The following PSIP1 variants were observed in gnomAD, a reference collection of about 807,000 sequenced individuals.
PSIP1 encodes PC4 and SFRS1-interacting protein.
PSIP1 carries 19 observed loss-of-function variants against 74.7 expected under a neutral mutation model. The ratio of observed to expected loss-of-function variants is 0.25; its 90% CI spans 0.18 to 0.37. The LOEUF (loss-of-function observed/expected upper bound fraction) is 0.37. PSIP1 is among the 10% of genes least tolerant of loss of function. The probability of loss-of-function intolerance (pLI) is 1.00; values close to 1 mark genes in which losing one functional copy is unlikely to be tolerated. For missense variants in PSIP1, 601 were observed against 614.3 expected, an observed-to-expected ratio of 0.98 and a Z score of 0.23; for synonymous variants, 222 against 195.3, an observed-to-expected ratio of 1.14 and a Z score of -1.14.
chr9:15,496,066 T>C (rs1288439084), intron 3 of PSIP1, among the ~76,000 whole-genome samples: 1 of 152,208 alleles, frequency 6.6e-6, no homozygotes, highest in Non-Finnish European at 1.5e-5. Flanking sequence ...GTGCATGATT[T>C]TGAGAAACCA....
intron 9 of PSIP1, among the ~76,000 whole-genome samples, chr9:15,473,313 T>C (rs2035924221): frequency 6.6e-6 from 1 of 152,074 alleles, no homozygotes. Context: ...TGGGGGTAAA[T>C]AACAAAAATC....
intron 10 of PSIP1, chr9:15,471,814 A>ACTTT: frequency 1.0e-6 from 1 of 954,292 alleles, no homozygotes; most frequent in Non-Finnish European, 1.2e-6. Context: ...CTCATCATTA[A>ACTTT]CTTTGTCTTA....
At chr9:15,503,123 T>C (rs931574957) in intron 3 of PSIP1, among the ~76,000 whole-genome samples, 7 of 152,164 alleles carry the variant, frequency 4.6e-5, no homozygotes, top group African/African-American at 1.7e-4. Flanking sequence ...TCCCAGCACT[T>C]TGGGAGGCCA....
intron 3 of PSIP1, among the ~76,000 whole-genome samples, chr9:15,496,956 C>G (rs1053771016): frequency 6.6e-6 from 1 of 152,132 alleles, no homozygotes; most frequent in Non-Finnish European, 1.5e-5. Flanking sequence ...AATTGGAACC[C>G]TCCTACAATT....
intron 4 of PSIP1, chr9:15,489,424 A>G (rs949584768): frequency 2.0e-5 from 3 of 152,084 alleles, no homozygotes; most frequent in East Asian, 1.9e-4. Flanking sequence ...TCTGGCCAAC[A>G]TGACAAAACC....
rs577351600 is a variant in PSIP1 at position 15,488,778 on chromosome 9, C to T, written c.288+1208G>A. Among the ~76,000 whole-genome samples the T allele has an allele frequency of 7.3e-3, 1,104 of 151,790 alleles. 9 individuals carry two copies. Among genetic ancestry groups the T allele is most frequent in the African/African-American group, 0.024 (994 of 41,386 alleles). Reference sequence around the variant, plus strand: ...GGCTCAGGCCTGTAATCCCAACACTCTGGGGGGCCGAGGCGGGCGGATCAC... The same window carrying T: ...GGCTCAGGCCTGTAATCCCAACACTTTGGGGGGCCGAGGCGGGCGGATCAC... On this transcript the variant is annotated intron_variant, in intron 4 of 15. Coordinates refer to ENST00000380733, the MANE Select transcript of PSIP1 (RefSeq NM_033222.5).
intron 6 of PSIP1, among the ~76,000 whole-genome samples, chr9:15,481,506 G>C (rs2132094957): frequency 6.6e-6 from 1 of 152,226 alleles, no homozygotes; most frequent in South Asian, 2.1e-4. Flanking sequence ...GACCAGCCTG[G>C]CCAACATGGT....
intron 10 of PSIP1, chr9:15,471,315 T>TC (rs1563867539): frequency 1.3e-6 from 2 of 1,567,590 alleles, no homozygotes; most frequent in South Asian, 2.2e-5. Flanking sequence ...AGCAAAACTG[T>TC]CCAAGTACAA....
At chr9:15,474,309 A>G in intron 8 of PSIP1, 72 bp from the exon 9 acceptor site, 2 of 1,320,654 alleles carry the variant, frequency 1.5e-6, no homozygotes, top group East Asian at 2.4e-5. Flanking sequence ...AGTAAGCTAT[A>G]ATTTTTAATT....
chr9:15,469,083 T>C (rs772650105), intron 12 of PSIP1, 25 bp from the exon 13 acceptor site: 1 of 1,587,976 alleles, frequency 6.3e-7, no homozygotes, highest in South Asian at 1.1e-5. Flanking sequence ...AGTAATTTCA[T>C]AGCTGTTAAT....
chr9:15,468,300 C>A, intron 14 of PSIP1: 1 of 561,742 alleles, frequency 1.8e-6, no homozygotes, highest in Non-Finnish European at 3.5e-6. Context: ...GAGAAGAAAA[C>A]AGAAGCAGCT....
chr9:15,510,252 G>A lies in PSIP1; in HGVS notation c.-64C>T. The A allele has an allele frequency of 3.3e-6, 5 of 1,517,808 alleles. No individual in the cohort carries two copies. The South Asian group carries it at 5.8e-5, about 18-fold the overall frequency. The allele number at this position is 1,517,808 out of a possible 1,614,324, so 94.0% of individuals were successfully genotyped here. A position where few individuals can be genotyped will look rare whatever the true frequency, so the allele number is the denominator to read the frequency against. On this transcript the variant is annotated 5_prime_UTR_variant, in exon 2 of 16. Coordinates refer to ENST00000380733, the MANE Select transcript of PSIP1 (RefSeq NM_033222.5). Reference sequence around the variant, plus strand: ...CGGCGAGGAGATGCGGCGGCGCGGGGATGCGGGCGGCGGACGCGGGCCCAG... The same window carrying A: ...CGGCGAGGAGATGCGGCGGCGCGGGAATGCGGGCGGCGGACGCGGGCCCAG...
At chr9:15,488,343 A>G (rs1003147090) in intron 4 of PSIP1, among the ~76,000 whole-genome samples, 15 of 151,876 alleles carry the variant, frequency 9.9e-5, no homozygotes, top group African/African-American at 3.4e-4. Flanking sequence ...CAACAACAAC[A>G]AAAAAAAGAG....
chr9:15,506,392 A>AAGG, intron 3 of PSIP1, 169 bp downstream of exon 3: 1 of 480,422 alleles, frequency 2.1e-6, no homozygotes, highest in Non-Finnish European at 3.7e-6. Context: ...AAATAAACCT[A>AAGG]TAGCATCTGT....
At chr9:15,484,166 A>G (rs865785465) in intron 6 of PSIP1, among the ~76,000 whole-genome samples, 1 of 151,516 alleles carries the variant, frequency 6.6e-6, no homozygotes, top group African/African-American at 2.4e-5. Context: ...TATTTAAAAA[A>G]AAAAAGAAAA....
rs371766012 is a variant in PSIP1 at position 15,465,271 on chromosome 9, T to C, written c.*249A>G. ...ATTGAAAATATGCTACAACCATGTC[T>C]GGAAAAGCAGTTTAACATTTTCTAA... On this transcript the variant is annotated 3_prime_UTR_variant, in exon 16 of 16. Coordinates refer to ENST00000380733, the MANE Select transcript of PSIP1 (RefSeq NM_033222.5). 1 of 421,162 alleles carries C rather than the reference T, an allele frequency of 2.4e-6. No homozygotes were observed. Among genetic ancestry groups the C allele is most frequent in the African/African-American group, 2.1e-5 (1 of 48,362 alleles). The allele number at this position is 421,162 out of a possible 1,614,324, so 26.1% of individuals were successfully genotyped here. A position where few individuals can be genotyped will look rare whatever the true frequency, so the allele number is the denominator to read the frequency against.
intron 6 of PSIP1, among the ~76,000 whole-genome samples, chr9:15,484,465 G>T (rs1357191982): frequency 6.6e-6 from 1 of 151,756 alleles, no homozygotes; most frequent in Non-Finnish European, 1.5e-5. Context: ...TGGGCGTGGT[G>T]GCTCACACCA....
intron 9 of PSIP1, among the ~76,000 whole-genome samples, chr9:15,473,585 T>C (rs2035935940): frequency 6.6e-6 from 1 of 152,110 alleles, no homozygotes. Flanking sequence ...CTCCAAAATA[T>C]TAAAAGCTCT....
At chr9:15,467,287 T>C (rs960569211) in intron 14 of PSIP1, among the ~76,000 whole-genome samples, 2 of 152,224 alleles carry the variant, frequency 1.3e-5, no homozygotes, top group African/African-American at 4.8e-5. Flanking sequence ...AAGGAGTATT[T>C]CCTAATTGAT....
Sources: gnomAD v4.1 joint callset for allele counts (sites outside exome capture counted in the v4.1 genomes callset) on GRCh38, gnomAD v4.1.1 for gene constraint, MANE v1.5 for transcripts, NCBI Gene and HGNC (gene_info 2026-07-23, HGNC 2026-07-21) for gene names.